The following ADPRHL1 variants were observed in gnomAD, a reference collection of about 807,000 sequenced individuals.
ADPRHL1 encodes ADP-ribosylhydrolase like 1, also known as inactive ADP-ribosyltransferase ARH2.
Under a neutral mutation model 44.1 loss-of-function variants are expected in ADPRHL1, and 43 were observed. The ratio of observed to expected loss-of-function variants is 0.98; its 90% CI spans 0.76 to 1.26. The LOEUF (loss-of-function observed/expected upper bound fraction) is 1.26, where lower values mean the gene tolerates loss of function less well. ADPRHL1 is among the 50% of genes most tolerant of loss of function. The pLI, the probability that ADPRHL1 is intolerant of heterozygous loss-of-function variation, is 0.00. For synonymous variants in ADPRHL1, 878 were observed against 1,017.4 expected, an observed-to-expected ratio of 0.86 and a Z score of 2.61; for missense variants, 2,022 against 2,496.9, an observed-to-expected ratio of 0.81 and a Z score of 4.05.
chr13:113,422,987 G>T lies in ADPRHL1; in HGVS notation c.908-8C>A. 6.2e-7 allele frequency: 1 copy of T among 1,612,608 alleles called. No homozygotes were observed. The highest frequency in any genetic ancestry group is 8.5e-7 in the Non-Finnish European group (1 of 1,179,884). ...CCGTGGCCGCGCTCTCCCCTGAAACGCAAAGGCAGCAGTTGCAGTGGGCTC... is the reference window on the plus strand; with the variant it reads ...CCGTGGCCGCGCTCTCCCCTGAAACTCAAAGGCAGCAGTTGCAGTGGGCTC... On this transcript the variant is annotated splice_polypyrimidine_tract_variant and splice_region_variant and intron_variant, in intron 6 of 7. Transcript: ENST00000612156.
At chr13:113,415,248 C>T (rs775647720) in intron 7 of ADPRHL1, among the ~76,000 whole-genome samples, 5 of 152,156 alleles carry the variant, frequency 3.3e-5, no homozygotes, top group South Asian at 2.1e-4. Flanking sequence ...TGCCCGTGTC[C>T]GGGTGGGGCA....
chr13:113,406,710 T>G lies in ADPRHL1; in HGVS notation c.2572A>C (p.Thr858Pro). 8.1e-7 allele frequency: 1 copy of G among 1,231,926 alleles called. No individual in the cohort carries two copies. Among genetic ancestry groups the G allele is most frequent in the Non-Finnish European group, 1.0e-6 (1 of 987,928 alleles). 76.3% of individuals were successfully genotyped at this position (1,231,926 alleles called of 1,614,324 possible). A position where few individuals can be genotyped will look rare whatever the true frequency, so the allele number is the denominator to read the frequency against. Residue 858 changes from threonine (T) to proline (P), a missense_variant, in exon 8 of 8, where the codon ACC becomes CCC. Physicochemically the swap from Thr to Pro is conservative, Grantham distance 38 (BLOSUM62 -1). Transcript: ENST00000612156. ...CCACTTGACATATTTTGCAGCCTGG[T>G]GGGAGGGGCTGGCATTTCATGGACA... The part of the protein sequence containing the change: ...PVVHEMPAPP[T>P]RLQNMSSGEN...
chr13:113,422,183 G>A (rs1283107655), intron 7 of ADPRHL1: 1 of 152,244 alleles, frequency 6.6e-6, no homozygotes, highest in Non-Finnish European at 1.5e-5. Context: ...GCTGGCAGGA[G>A]GCCATTTATG....
intron 3 of ADPRHL1, among the ~76,000 whole-genome samples, chr13:113,433,069 C>T (rs2044018527): frequency 1.3e-5 from 2 of 152,066 alleles, no homozygotes; most frequent in Admixed American, 6.6e-5. Context: ...ACCACAAGGA[C>T]GGAAGTGCCG....
intron 4 of ADPRHL1, 53 bp downstream of exon 4, chr13:113,428,898 TG>T: frequency 6.2e-7 from 1 of 1,605,598 alleles, no homozygotes; most frequent in Non-Finnish European, 8.5e-7. Context: ...ATGGAGGGGC[TG>T]GATCTGTCCA....
rs955576809 is a variant in ADPRHL1 at position 113,406,787 on chromosome 13, C to T, written c.2495G>A (p.Arg832Gln). 2.1e-5 allele frequency: 26 copies of T among 1,231,872 alleles called. No homozygotes were observed. Among genetic ancestry groups the T allele is most frequent in the East Asian group, 9.5e-5 (3 of 31,724 alleles). 76.3% of individuals were successfully genotyped at this position (1,231,872 alleles called of 1,614,324 possible). A position where few individuals can be genotyped will look rare whatever the true frequency, so the allele number is the denominator to read the frequency against. The part of the protein sequence containing the change: ...PLNAPSVQAA[R>Q]RTQPATEPPR... ...AGGCTCCGTGGCAGGCTGTGTTCTC[C>T]GAGCAGCCTGGACCGATGGAGCGTT... The change falls in exon 8 of 8, where the codon CGG becomes CAG. Residue 832 changes from arginine (R) to glutamine (Q), a missense_variant. Arg to Gln is a conservative substitution (Grantham distance 43). Transcript: ENST00000612156.
intron 2 of ADPRHL1, among the ~76,000 whole-genome samples, chr13:113,434,348 C>T (rs901386034): frequency 6.6e-6 from 1 of 151,320 alleles, no homozygotes; most frequent in African/African-American, 2.4e-5. Context: ...GACCCAGCAT[C>T]CAGGTGCAGG....
intron 6 of ADPRHL1, among the ~76,000 whole-genome samples, 175 bp downstream of exon 6, chr13:113,424,042 A>G (rs1284939404): frequency 6.6e-6 from 1 of 152,212 alleles, no homozygotes; most frequent in Admixed American, 6.5e-5. Context: ...GTCAGCAGGT[A>G]TACCCTGGAG....
intron 1 of ADPRHL1, among the ~76,000 whole-genome samples, chr13:113,451,557 C>T (rs570418615): frequency 6.6e-6 from 1 of 152,240 alleles, no homozygotes; most frequent in East Asian, 1.9e-4. Flanking sequence ...CCTGTCATCC[C>T]AGCACTTTGG....
chr13:113,447,285 G>A (rs1448619561), intron 1 of ADPRHL1, among the ~76,000 whole-genome samples: 3 of 117,022 alleles, frequency 2.6e-5, no homozygotes, highest in African/African-American at 1.0e-4. Flanking sequence ...GCGTCTACAC[G>A]CACGGTGTTG....
intron 3 of ADPRHL1, among the ~76,000 whole-genome samples, chr13:113,432,443 GA>G (rs1252359828): frequency 6.6e-6 from 1 of 152,214 alleles, no homozygotes; most frequent in Non-Finnish European, 1.5e-5. Context: ...TTTCGGGTCT[GA>G]AGGTTTTAAT....
At chr13:113,421,881 G>A (rs1192738444) in intron 7 of ADPRHL1, 1 of 152,236 alleles carries the variant, frequency 6.6e-6, no homozygotes, top group Non-Finnish European at 1.5e-5. Flanking sequence ...CCAGAGGCGA[G>A]CCCTTTAATG....
At chr13:113,439,306 A>G (rs1420888599) in intron 2 of ADPRHL1, among the ~76,000 whole-genome samples, 2 of 152,154 alleles carry the variant, frequency 1.3e-5, no homozygotes, top group African/African-American at 2.4e-5. Flanking sequence ...TATTTTTAGT[A>G]GAGGAGAGGG....
At chr13:113,447,087 G>T (rs1211707887) in intron 1 of ADPRHL1, among the ~76,000 whole-genome samples, 2 of 138,842 alleles carry the variant, frequency 1.4e-5, no homozygotes, top group African/African-American at 5.5e-5. Context: ...TGGTGTGTGT[G>T]CATGGTGTCT....
intron 7 of ADPRHL1, among the ~76,000 whole-genome samples, chr13:113,414,237 T>G (rs1249719924): frequency 6.6e-6 from 1 of 152,164 alleles, no homozygotes; most frequent in East Asian, 1.9e-4. Context: ...GTCACACACA[T>G]CCCTGTGCCA....
chr13:113,447,706 T>A (rs1237850863), intron 1 of ADPRHL1, among the ~76,000 whole-genome samples: 1 of 152,208 alleles, frequency 6.6e-6, no homozygotes, highest in African/African-American at 2.4e-5. Context: ...AAGACTGTGG[T>A]TTGGGAGACA....
intron 7 of ADPRHL1, among the ~76,000 whole-genome samples, chr13:113,413,102 C>T (rs554129439): frequency 2.4e-5 from 3 of 127,284 alleles, no homozygotes; most frequent in Non-Finnish European, 3.5e-5. Context: ...CCGCAGAGCT[C>T]GGTTCACCCA....
At chr13:113,448,465 CAAAAA>C (rs61278696) in intron 1 of ADPRHL1, among the ~76,000 whole-genome samples, 94 of 39,850 alleles carry the variant, frequency 2.4e-3, no homozygotes, top group African/African-American at 9.4e-3. Flanking sequence ...GACTATGTCC[CAAAAA>C]AAAAAAAAAA....
intron 7 of ADPRHL1, among the ~76,000 whole-genome samples, chr13:113,413,520 T>C (rs2043870886): frequency 1.3e-5 from 2 of 152,194 alleles, no homozygotes; most frequent in Non-Finnish European, 2.9e-5. Context: ...GCTCTGCGTG[T>C]CTCCCGAGGC....
Sources: allele counts gnomAD v4.1 joint callset (sites outside exome capture counted in the v4.1 genomes callset), GRCh38; gene constraint gnomAD v4.1.1; transcripts MANE v1.5; gene names NCBI Gene and HGNC (gene_info 2026-07-23, HGNC 2026-07-21).